The following LUC7L2 variants were observed in gnomAD, a reference collection of about 807,000 sequenced individuals.
The protein encoded by LUC7L2 is putative RNA-binding protein Luc7-like 2.
A neutral mutation model predicts 52.8 loss-of-function variants in LUC7L2; 25 were observed. The observed-to-expected ratio is 0.47, with a 90% CI of 0.34 to 0.66. The LOEUF is 0.66. Among genes scored for constraint, LUC7L2 ranks in the 30% least tolerant of loss-of-function variants. The pLI, the probability that LUC7L2 is intolerant of heterozygous loss-of-function variation, is 0.01. For missense variants in LUC7L2, 328 were observed against 497.8 expected (o/e 0.66, Z 3.25); for synonymous variants, 144 against 160.9 (o/e 0.89, Z 0.80).
chr7:139,383,487 C>T (rs1801150200), intron 2 of LUC7L2, among the ~76,000 whole-genome samples: 1 of 152,106 alleles, frequency 6.6e-6, no homozygotes, highest in East Asian at 1.9e-4. Flanking sequence ...TCTCGGCTCA[C>T]TTCAACCTCT....
intron 1 of LUC7L2, among the ~76,000 whole-genome samples, chr7:139,350,229 C>A (rs905482610): frequency 2.6e-5 from 4 of 152,132 alleles, no homozygotes; most frequent in African/African-American, 9.7e-5. Context: ...TCACGCCATT[C>A]TCCTGCCTCA....
intron 2 of LUC7L2, among the ~76,000 whole-genome samples, chr7:139,397,941 A>G (rs1164436721): frequency 1.3e-5 from 2 of 152,136 alleles, no homozygotes; most frequent in African/African-American, 4.8e-5. Flanking sequence ...TCACCTCTTT[A>G]CTAGTTTATA....
intron 2 of LUC7L2, among the ~76,000 whole-genome samples, chr7:139,388,214 G>A (rs114725268): frequency 3.1e-4 from 47 of 152,140 alleles, no homozygotes; most frequent in African/African-American, 1.1e-3. Flanking sequence ...CATAGTCTTT[G>A]TGTGATAAGA....
At position 139,409,743 on chromosome 7, in the gene LUC7L2, A is replaced by T. The variant is rs1795274391; in HGVS notation, c.779+89A>T. 10 of 1,442,962 alleles carry T rather than the reference A, an allele frequency of 6.9e-6. No individual in the cohort carries two copies. In the South Asian group the frequency reaches 1.4e-4, roughly 20 times the overall value. The allele number at this position is 1,442,962 out of a possible 1,614,324, so 89.4% of individuals were successfully genotyped here. On this transcript the variant is annotated intron_variant, in intron 7 of 9. Coordinates refer to ENST00000354926, the MANE Select transcript of LUC7L2 (RefSeq NM_016019.5). ...GATTTTAAATTTTAGATGGTGATAA[A>T]TCTGTTATGGGACGTGGGAAACTTC...
chr7:139,363,308 A>C, intron 1 of LUC7L2: 1 of 895,476 alleles, frequency 1.1e-6, no homozygotes, highest in Non-Finnish European at 1.3e-6. Flanking sequence ...TATGTGAATC[A>C]GTGTAACTCA....
chr7:139,394,198 A>C (rs1456808031), intron 2 of LUC7L2, among the ~76,000 whole-genome samples: 1 of 152,074 alleles, frequency 6.6e-6, no homozygotes, highest in Non-Finnish European at 1.5e-5. Flanking sequence ...CATCTTGACC[A>C]CTCTGGCTTG....
intron 8 of LUC7L2, 84 bp downstream of exon 8, chr7:139,412,664 TA>T (rs1488037281): frequency 1.3e-6 from 2 of 1,504,724 alleles, no homozygotes; most frequent in African/African-American, 1.4e-5. Flanking sequence ...AATGGTCCTT[TA>T]AAAATTTTCT....
chr7:139,390,556 A>AT (rs1794402598), intron 2 of LUC7L2, among the ~76,000 whole-genome samples: 3 of 108,772 alleles, frequency 2.8e-5, no homozygotes, highest in Non-Finnish European at 5.2e-5. Flanking sequence ...TAGACAATGT[A>AT]GTTTTTTTTT....
chr7:139,376,290 G>A, intron 2 of LUC7L2, 134 bp downstream of exon 2: 1 of 885,586 alleles, frequency 1.1e-6, no homozygotes, highest in Non-Finnish European at 1.7e-6. Flanking sequence ...TGTTTATTCA[G>A]GATGATTACT....
chr7:139,380,713 C>T (rs906195939), intron 2 of LUC7L2, among the ~76,000 whole-genome samples: 6 of 152,210 alleles, frequency 3.9e-5, no homozygotes, highest in African/African-American at 1.2e-4. Flanking sequence ...CTGCTAAACT[C>T]ACTGTAGGCA....
chr7:139,410,927 G>A (rs1390326397), intron 7 of LUC7L2, among the ~76,000 whole-genome samples: 1 of 142,388 alleles, frequency 7.0e-6, no homozygotes, highest in Non-Finnish European at 1.5e-5. Context: ...TTTAGGAGAA[G>A]TGATGTCAGT....
intron 1 of LUC7L2, chr7:139,374,604 TTG>T: frequency 6.7e-7 from 1 of 1,500,630 alleles, no homozygotes; most frequent in East Asian, 2.5e-5. Flanking sequence ...ATATTCCAAA[TTG>T]TGTCAAAAAT....
intron 2 of LUC7L2, among the ~76,000 whole-genome samples, chr7:139,385,977 A>G (rs775424627): frequency 2.0e-5 from 3 of 152,214 alleles, no homozygotes; most frequent in Non-Finnish European, 2.9e-5. Context: ...CATTGAACAC[A>G]ATAGTAAGAA....
At chr7:139,360,444 C>A (rs193208855) in intron 1 of LUC7L2, 122 bp downstream of exon 1, 22 of 825,822 alleles carry the variant, frequency 2.7e-5, no homozygotes, top group East Asian at 2.1e-4. Flanking sequence ...ATTGGTAACA[C>A]GAGGTCCCCG....
upstream of LUC7L2, among the ~76,000 whole-genome samples, chr7:139,356,213 G>C (rs1229684378): frequency 6.6e-6 from 1 of 151,520 alleles, no homozygotes; most frequent in African/African-American, 2.4e-5. Flanking sequence ...GAGAGGCTGA[G>C]GTGGGAGGAT....
Position 139,386,999 on chromosome 7 carries a change from C to T in LUC7L2, c.156+10843C>T, listed in dbSNP as rs577186298. ...GATTACAGGCACGTGCCACCATGCC[C>T]GGCTAATTTTTTGTATTTGTAGTAG... On this transcript the variant is annotated intron_variant, in intron 2 of 9. Coordinates refer to ENST00000354926, the MANE Select transcript of LUC7L2 (RefSeq NM_016019.5). Among the ~76,000 whole-genome samples the T allele has an allele frequency of 1.4e-4, 22 of 151,922 alleles. 2 individuals are homozygous for T. The highest frequency in any genetic ancestry group is 4.3e-4 in the African/African-American group (18 of 41,446).
chr7:139,357,716 T>C (rs1799648383), upstream of LUC7L2, among the ~76,000 whole-genome samples: 1 of 149,372 alleles, frequency 6.7e-6, no homozygotes, highest in Non-Finnish European at 1.5e-5. Context: ...TTTTTTGAGA[T>C]GGAGTCTCAC....
rs148671034 is a variant in LUC7L2 at position 139,350,400 on chromosome 7, T to C, written c.-26+9883T>C. 1.2e-3 allele frequency among the ~76,000 whole-genome samples: 180 copies of C among 152,040 alleles called. 1 individual carries two copies. Among genetic ancestry groups the C allele is most frequent in the African/African-American group, 3.5e-3 (144 of 41,476 alleles). Reference sequence around the variant, plus strand: ...CCTCCCAAAGTGCTAGGATTACAGGTGTGAGCCACTGCACCCAGCCACCTT... The same window carrying C: ...CCTCCCAAAGTGCTAGGATTACAGGCGTGAGCCACTGCACCCAGCCACCTT... On this transcript the variant is annotated intron_variant, in intron 1 of 10. Coordinates refer to the LUC7L2 transcript ENST00000541170.
rs370422479 is a variant in LUC7L2, at chr7:139,421,677, C to T, written c.1002-486C>T. Among the ~76,000 whole-genome samples, 114 of 152,216 alleles carry T rather than the reference C, an allele frequency of 7.5e-4. 1 individual carries two copies. The South Asian group carries it at 0.013, about 18-fold the overall frequency. ...CTGTTGCCGATAGGCCAAATCTGGC[C>T]GGTAGCCTGTACAACCAGCAAGCTA... On this transcript the variant is annotated intron_variant, in intron 9 of 9. Coordinates refer to ENST00000354926, the MANE Select transcript of LUC7L2 (RefSeq NM_016019.5).
Sources: allele counts gnomAD v4.1 joint callset (sites outside exome capture counted in the v4.1 genomes callset), GRCh38; gene constraint gnomAD v4.1.1; transcripts MANE v1.5; gene names NCBI Gene and HGNC (gene_info 2026-07-23, HGNC 2026-07-21).